MINDY4: variants seen among roughly 807,000 people sequenced by gnomAD.
MINDY4 encodes the protein probable ubiquitin carboxyl-terminal hydrolase MINDY-4.
In MINDY4, 68 loss-of-function variants were observed where a neutral mutation model predicts 87.0. That is an observed-to-expected ratio of 0.78 (90% CI 0.64 to 0.96). The LOEUF (loss-of-function observed/expected upper bound fraction) is 0.96. Among genes scored for constraint, MINDY4 ranks in the 40% least tolerant of loss-of-function variants. The probability of loss-of-function intolerance (pLI) is 0.00; values close to 1 mark genes in which losing one functional copy is unlikely to be tolerated. For missense variants in MINDY4, 919 were observed against 928.2 expected, an observed-to-expected ratio of 0.99 and a Z score of 0.13; for synonymous variants, 379 against 363.2, an observed-to-expected ratio of 1.04 and a Z score of -0.50.
chr7:30,808,084 T>G (rs1411228053), intron 5 of MINDY4, among the ~76,000 whole-genome samples: 1 of 152,198 alleles, frequency 6.6e-6, no homozygotes, highest in Non-Finnish European at 1.5e-5. Flanking sequence ...TGGGGGACTC[T>G]GGCCAGCTTG....
intron 1 of MINDY4, 44 bp downstream of exon 1, chr7:30,771,600 T>TG (rs773890219): frequency 3.2e-6 from 5 of 1,558,142 alleles, no homozygotes; most frequent in African/African-American, 2.7e-5. Flanking sequence ...GGCTCTAATT[T>TG]GGGGGGATCA....
chr7:30,884,829 G>T (rs1196699260), intron 17 of MINDY4, among the ~76,000 whole-genome samples: 3 of 152,202 alleles, frequency 2.0e-5, no homozygotes, highest in Non-Finnish European at 4.4e-5. Flanking sequence ...TGGGGCCTTG[G>T]TCTGCATGGA....
Position 30,840,860 on chromosome 7 carries a change from C to A in MINDY4, c.1445+12C>A. On this transcript the variant is annotated intron_variant, in intron 9 of 17. Transcript: ENST00000265299. ...GCCGACTGTGCTCAGTAAGTCAGTG[C>A]TCTTTCTGGCAATATCTTATTTTCC... 6.2e-7 allele frequency: 1 copy of A among 1,608,262 alleles called. No individual in the cohort carries two copies. The highest frequency in any genetic ancestry group is 1.3e-5 in the African/African-American group (1 of 74,840).
At chr7:30,878,449 G>A (rs563005703) in intron 15 of MINDY4, among the ~76,000 whole-genome samples, 2 of 152,254 alleles carry the variant, frequency 1.3e-5, no homozygotes, top group Non-Finnish European at 1.5e-5. Flanking sequence ...GTGTCCTGCC[G>A]GACCTCCATG....
intron 15 of MINDY4, 41 bp downstream of exon 15, chr7:30,875,697 ACT>A (rs755019960): frequency 2.5e-4 from 387 of 1,565,942 alleles, no homozygotes; most frequent in Admixed American, 3.2e-4. Context: ...GGGGAGCCTG[ACT>A]CTCTGGAGCA....
intron 17 of MINDY4, among the ~76,000 whole-genome samples, chr7:30,885,061 T>C (rs903473016): frequency 6.6e-6 from 1 of 152,220 alleles, no homozygotes; most frequent in African/African-American, 2.4e-5. Flanking sequence ...TTGTGTGAGC[T>C]TGGACAAGGC....
intron 5 of MINDY4, among the ~76,000 whole-genome samples, chr7:30,810,577 A>G (rs1787959980): frequency 6.6e-6 from 1 of 152,220 alleles, no homozygotes; most frequent in South Asian, 2.1e-4. Context: ...TGAACTGGAC[A>G]TTAAAGTAAA....
At chr7:30,877,683 C>CTTTTT (rs573026878) in intron 15 of MINDY4, among the ~76,000 whole-genome samples, 1 of 112,706 alleles carries the variant, frequency 8.9e-6, no homozygotes, top group African/African-American at 3.4e-5. Context: ...TCTTCTTCTT[C>CTTTTT]TTTTTTTTTT....
chr7:30,885,398 G>A (rs1326076913), intron 17 of MINDY4, among the ~76,000 whole-genome samples: 1 of 152,158 alleles, frequency 6.6e-6, no homozygotes, highest in African/African-American at 2.4e-5. Flanking sequence ...TATAATCTCA[G>A]CTACTTGGGA....
intron 13 of MINDY4, among the ~76,000 whole-genome samples, chr7:30,860,136 G>T (rs1789704753): frequency 6.6e-6 from 1 of 152,174 alleles, no homozygotes; most frequent in Non-Finnish European, 1.5e-5. Flanking sequence ...TGCAGGTGGG[G>T]TAGGACTTGG....
In MINDY4 at chr7:30,892,034, C is replaced by T. The variant is rs752305191; in HGVS notation, c.*29C>T. 6.2e-7 allele frequency: 1 copy of T among 1,611,760 alleles called. No individual in the cohort carries two copies. The highest frequency in any genetic ancestry group is 1.1e-5 in the South Asian group (1 of 91,054). On this transcript the variant is annotated 3_prime_UTR_variant, in exon 18 of 18. Coordinates refer to ENST00000265299, the MANE Select transcript of MINDY4 (RefSeq NM_032222.3). Reference sequence around the variant, plus strand: ...TTGGATGTGGGTAAACCCTGTGGTCCACCACTCATCACCTCATCACCGAGG... The same window carrying T: ...TTGGATGTGGGTAAACCCTGTGGTCTACCACTCATCACCTCATCACCGAGG...
At chr7:30,829,307 A>G (rs1788624708) in intron 6 of MINDY4, among the ~76,000 whole-genome samples, 2 of 152,008 alleles carry the variant, frequency 1.3e-5, no homozygotes, top group African/African-American at 4.8e-5. Flanking sequence ...TCTTTCTGTA[A>G]TTCCCTACTC....
At position 30,791,592 on chromosome 7, in the gene MINDY4, A is replaced by T. The variant is rs1044328023; in HGVS notation, c.1073+18A>T. ...CCTGTCAGGTGAGTGTGCTATGCAA[A>T]GGTGACGGCTTTTCAAAAAGAAGCT... On this transcript the variant is annotated intron_variant, in intron 5 of 17. Transcript: ENST00000265299. 10 of 1,575,632 alleles carry T rather than the reference A, an allele frequency of 6.3e-6. No homozygotes were observed. Among genetic ancestry groups the T allele is most frequent in the Middle Eastern group, 1.8e-4 (1 of 5,650 alleles).
Position 30,850,480 on chromosome 7 carries a change from G to A in MINDY4, c.1472G>A (p.Arg491Gln), listed in dbSNP as rs764549721. The change falls in exon 10 of 18, where the codon CGG (arginine) becomes CAG (glutamine). Residue 491 changes from arginine to glutamine, a missense_variant. Physicochemically the swap from Arg to Gln is conservative, Grantham distance 43. Coordinates refer to ENST00000265299, the MANE Select transcript of MINDY4 (RefSeq NM_032222.3). ...AQGLQPSDAH[R>Q]TRCLVLALAD... ...GGACTGCAGCCTTCAGATGCCCACC[G>A]GACCCGCTGCCTCGTCCTGGCCCTC... is the stretch of plus-strand genomic sequence containing the variant. 27 of 1,612,410 alleles carry A rather than the reference G, an allele frequency of 1.7e-5. No homozygotes were observed. The highest frequency in any genetic ancestry group is 1.6e-4 in the Middle Eastern group (1 of 6,066).
chr7:30,884,664 G>A (rs1790576210), intron 17 of MINDY4, among the ~76,000 whole-genome samples: 1 of 152,146 alleles, frequency 6.6e-6, no homozygotes. Context: ...CCAGGGGGTG[G>A]CCCACCACCT....
intron 14 of MINDY4, among the ~76,000 whole-genome samples, chr7:30,873,429 C>G (rs572509332): frequency 6.6e-6 from 1 of 152,332 alleles, no homozygotes; most frequent in Non-Finnish European, 1.5e-5. Context: ...TTTTTCCCCT[C>G]CTGTGTGTCA....
At chr7:30,858,234 A>G (rs1177354809) in intron 12 of MINDY4, 1 of 152,246 alleles carries the variant, frequency 6.6e-6, no homozygotes, top group Non-Finnish European at 1.5e-5. Flanking sequence ...GCTGTGGCCC[A>G]CTGGGCTTAC....
chr7:30,882,372 T>TCGGCCCCCCCCC lies in MINDY4; in HGVS notation c.2152+12_2152+13insGGCCCCCCCCCC. The TCGGCCCCCCCCC allele has an allele frequency of 1.3e-6, 2 of 1,521,496 alleles. No homozygotes were observed. The highest frequency in any genetic ancestry group is 1.8e-6 in the Non-Finnish European group (2 of 1,127,554). The allele number at this position is 1,521,496 out of a possible 1,614,324, so 94.2% of individuals were successfully genotyped here. On this transcript the variant is annotated intron_variant, in intron 16 of 17. Transcript: ENST00000265299. The stretch of plus-strand genomic sequence containing the variant: ...TCCGGCTGACCATTGGTGCGGGCCC[T>TCGGCCCCCCCCC]CACCCCCCCACCCACCCAACCCTGT...
chr7:30,873,137 G>A (rs535232646), intron 14 of MINDY4, among the ~76,000 whole-genome samples: 1 of 152,332 alleles, frequency 6.6e-6, no homozygotes, highest in Non-Finnish European at 1.5e-5. Context: ...GGGGCCTGTG[G>A]TTTGTCCAGG....
Sources: gnomAD v4.1 joint callset for allele counts (sites outside exome capture counted in the v4.1 genomes callset) on GRCh38, gnomAD v4.1.1 for gene constraint, MANE v1.5 for transcripts, NCBI Gene and HGNC (gene_info 2026-07-23, HGNC 2026-07-21) for gene names.